The following OSBPL8 variants were observed in gnomAD, a reference collection of about 807,000 sequenced individuals.
OSBPL8 encodes oxysterol binding protein like 8, also known as oxysterol-binding protein-related protein 8.
A neutral mutation model predicts 125.5 loss-of-function variants in OSBPL8; 59 were observed. That is an observed-to-expected ratio of 0.47 (90% CI 0.38 to 0.58). OSBPL8 has a LOEUF of 0.58. OSBPL8 is among the 20% of genes least tolerant of loss of function. The pLI, the probability that OSBPL8 is intolerant of heterozygous loss-of-function variation, is 0.00. For missense variants in OSBPL8, 758 were observed against 1,047.8 expected, an observed-to-expected ratio of 0.72 and a Z score of 3.82; for synonymous variants, 330 against 338.9, an observed-to-expected ratio of 0.97 and a Z score of 0.29.
chr12:76,514,787 C>G (rs1403956363), intron 1 of OSBPL8, among the ~76,000 whole-genome samples: 1 of 152,198 alleles, frequency 6.6e-6, no homozygotes, highest in African/African-American at 2.4e-5. Context: ...TTCAAAGACA[C>G]CAATGATTCA....
At chr12:76,431,378 A>C (rs1342684956) in intron 4 of OSBPL8, among the ~76,000 whole-genome samples, 1 of 152,126 alleles carries the variant, frequency 6.6e-6, no homozygotes, top group Non-Finnish European at 1.5e-5. Flanking sequence ...AAACACACAG[A>C]AATCAATGAA....
At chr12:76,509,352 A>G (rs1880745822) in intron 1 of OSBPL8, among the ~76,000 whole-genome samples, 4 of 152,198 alleles carry the variant, frequency 2.6e-5, no homozygotes, top group Admixed American at 2.6e-4. Flanking sequence ...GCCTGTTGTT[A>G]AGTGACCCAT....
chr12:76,537,573 G>T (rs916737282), intron 1 of OSBPL8, among the ~76,000 whole-genome samples: 2 of 152,106 alleles, frequency 1.3e-5, no homozygotes, highest in African/African-American at 2.4e-5. Context: ...GAAATCTACA[G>T]AAATGTACGA....
At chr12:76,433,447 T>C (rs888643408) in intron 4 of OSBPL8, among the ~76,000 whole-genome samples, 7 of 150,272 alleles carry the variant, frequency 4.7e-5, no homozygotes, top group African/African-American at 1.7e-4. Flanking sequence ...ATAAAAACAA[T>C]CCCAGTTACA....
At chr12:76,501,252 C>T (rs1879872933) in intron 1 of OSBPL8, among the ~76,000 whole-genome samples, 1 of 152,168 alleles carries the variant, frequency 6.6e-6, no homozygotes, top group African/African-American at 2.4e-5. Flanking sequence ...ATGTGGATTC[C>T]TTCCCAATAC....
At chr12:76,535,378 C>A (rs764622660) in intron 1 of OSBPL8, among the ~76,000 whole-genome samples, 2 of 151,930 alleles carry the variant, frequency 1.3e-5, no homozygotes, top group Admixed American at 6.6e-5. Flanking sequence ...CAGTCATCAG[C>A]GAAACGCAAA....
At chr12:76,406,061 G>T (rs1377911495) in intron 5 of OSBPL8, among the ~76,000 whole-genome samples, 1 of 152,122 alleles carries the variant, frequency 6.6e-6, no homozygotes, top group African/African-American at 2.4e-5. Context: ...GGGTTGCTTT[G>T]AGGGTTAAAT....
intron 22 of OSBPL8, among the ~76,000 whole-genome samples, chr12:76,357,592 T>G (rs1345203719): frequency 6.6e-6 from 1 of 152,164 alleles, no homozygotes; most frequent in Non-Finnish European, 1.5e-5. Flanking sequence ...CTTTATTCGG[T>G]TCATTCCTCT....
At chr12:76,414,155 T>C (rs1216606080) in intron 4 of OSBPL8, among the ~76,000 whole-genome samples, 1 of 152,176 alleles carries the variant, frequency 6.6e-6, no homozygotes, top group African/African-American at 2.4e-5. Context: ...CCACCATTTA[T>C]CGAAAAGAAC....
At chr12:76,500,455 G>C (rs1289293010) in intron 1 of OSBPL8, among the ~76,000 whole-genome samples, 1 of 152,084 alleles carries the variant, frequency 6.6e-6, no homozygotes, top group African/African-American at 2.4e-5. Flanking sequence ...GTATTCTCTT[G>C]ATTCTTGAAC....
intron 1 of OSBPL8, among the ~76,000 whole-genome samples, chr12:76,489,834 C>T (rs1388402553): frequency 6.6e-6 from 1 of 152,218 alleles, no homozygotes; most frequent in Non-Finnish European, 1.5e-5. Flanking sequence ...AGTGATTCCT[C>T]TGATGGATCT....
At chr12:76,483,690 T>C (rs1877809927) in intron 2 of OSBPL8, among the ~76,000 whole-genome samples, 1 of 110,078 alleles carries the variant, frequency 9.1e-6, no homozygotes, top group Non-Finnish European at 2.0e-5. Context: ...TTTTTTTTTT[T>C]TGAGACAGCA....
At chr12:76,460,890 T>C (rs142104471) in intron 2 of OSBPL8, among the ~76,000 whole-genome samples, 54 of 152,360 alleles carry the variant, frequency 3.5e-4, no homozygotes, top group African/African-American at 1.2e-3. Context: ...GGATCTTAAT[T>C]GGCTGTGACA....
chr12:76,418,506 C>T (rs1004425139), intron 4 of OSBPL8, among the ~76,000 whole-genome samples: 6 of 152,120 alleles, frequency 3.9e-5, no homozygotes, highest in African/African-American at 1.2e-4. Context: ...CTGACTTCCA[C>T]ATTTTCTAAG....
chr12:76,378,740 C>T (rs1374347670), intron 15 of OSBPL8, among the ~76,000 whole-genome samples, 190 bp from the exon 16 acceptor site: 3 of 152,032 alleles, frequency 2.0e-5, no homozygotes, highest in South Asian at 2.1e-4. Flanking sequence ...CTCATTTTTA[C>T]ATAATGACTA....
At chr12:76,556,934 C>T (rs1159799347) in intron 1 of OSBPL8, among the ~76,000 whole-genome samples, 2 of 152,090 alleles carry the variant, frequency 1.3e-5, no homozygotes, top group African/African-American at 4.8e-5. Flanking sequence ...AAAGTGCTAG[C>T]ATTACAGGCG....
At chr12:76,487,713 G>C (rs1024172880) in intron 1 of OSBPL8, 95 bp from the exon 2 acceptor site, 3 of 450,926 alleles carry the variant, frequency 6.7e-6, no homozygotes, top group African/African-American at 2.0e-5. Flanking sequence ...AATCATTTTA[G>C]TCTGAGGTTA....
At chr12:76,531,481 C>G (rs1346941191) in intron 1 of OSBPL8, among the ~76,000 whole-genome samples, 3 of 152,136 alleles carry the variant, frequency 2.0e-5, no homozygotes, top group Non-Finnish European at 2.9e-5. Context: ...ACCTTTTTGG[C>G]AAACCCACAT....
chr12:76,403,115 A>T (rs1954119475), intron 5 of OSBPL8, among the ~76,000 whole-genome samples: 1 of 152,160 alleles, frequency 6.6e-6, no homozygotes, highest in Admixed American at 6.5e-5. Flanking sequence ...TTAATAGTTG[A>T]AATATTCTAA....
Sources: gnomAD v4.1 joint callset for allele counts (sites outside exome capture counted in the v4.1 genomes callset) on GRCh38, gnomAD v4.1.1 for gene constraint, MANE v1.5 for transcripts, NCBI Gene and HGNC (gene_info 2026-07-23, HGNC 2026-07-21) for gene names.